The following CARMIL1 variants were observed in gnomAD, a reference collection of about 807,000 sequenced individuals.
CARMIL1 encodes F-actin-uncapping protein LRRC16A.
A neutral mutation model predicts 177.1 loss-of-function variants in CARMIL1; 90 were observed. That is an observed-to-expected ratio of 0.51 (90% confidence interval 0.43 to 0.61). The LOEUF (loss-of-function observed/expected upper bound fraction) is 0.61. Among genes scored for constraint, CARMIL1 ranks in the 20% least tolerant of loss-of-function variants. CARMIL1 has a pLI of 0.00. For missense variants in CARMIL1, 1,380 were observed against 1,667.0 expected (o/e 0.83, Z 3.00); for synonymous variants, 577 against 606.2 (o/e 0.95, Z 0.71).
intron 29 of CARMIL1, among the ~76,000 whole-genome samples, chr6:25,571,395 T>C (rs1812051313): frequency 6.6e-6 from 1 of 152,128 alleles, no homozygotes; most frequent in Non-Finnish European, 1.5e-5. Flanking sequence ...AGAGAGGAAA[T>C]GTTCTCTTTT....
chr6:25,395,918 G>A (rs998184382), intron 2 of CARMIL1, among the ~76,000 whole-genome samples: 5 of 152,194 alleles, frequency 3.3e-5, no homozygotes, highest in African/African-American at 9.7e-5. Context: ...AGGATCATGC[G>A]GGTCCTTGTG....
chr6:25,321,202 A>C (rs1370186587), intron 2 of CARMIL1, among the ~76,000 whole-genome samples: 2 of 152,250 alleles, frequency 1.3e-5, no homozygotes, highest in African/African-American at 4.8e-5. Context: ...TTTGGCTAGT[A>C]AAATGTGATC....
chr6:25,376,574 T>G (rs1202353287), intron 2 of CARMIL1, among the ~76,000 whole-genome samples: 1 of 152,240 alleles, frequency 6.6e-6, no homozygotes, highest in East Asian at 1.9e-4. Context: ...AGAGAGTCTT[T>G]GTATGACAGC....
rs113860393 is a variant in CARMIL1, at chr6:25,332,774, C to T, written c.138+47865C>T. Among the ~76,000 whole-genome samples, 200 of 71,202 alleles carry T rather than the reference C, an allele frequency of 2.8e-3. 2 individuals are homozygous for T. The highest frequency in any genetic ancestry group is 6.1e-3 in the Admixed American group (50 of 8,222). The allele number at this position is 71,202 out of a possible 152,430, so 46.7% of individuals were successfully genotyped here. A position where few individuals can be genotyped will look rare whatever the true frequency, so the allele number is the denominator to read the frequency against. On this transcript the variant is annotated intron_variant, in intron 2 of 36. Coordinates refer to ENST00000329474, the MANE Select transcript of CARMIL1 (RefSeq NM_017640.6). ...ACACACACACACACACACACACACG[C>T]GCACACACACACACACACTTCTTTT...
intron 2 of CARMIL1, among the ~76,000 whole-genome samples, chr6:25,411,873 CG>C (rs1562101804): frequency 6.6e-6 from 1 of 152,114 alleles, no homozygotes; most frequent in Non-Finnish European, 1.5e-5. Flanking sequence ...AAATATTTAC[CG>C]GGGGCTTGTC....
At chr6:25,537,043 T>C (rs1746945958) in intron 24 of CARMIL1, among the ~76,000 whole-genome samples, 1 of 152,210 alleles carries the variant, frequency 6.6e-6, no homozygotes, top group African/African-American at 2.4e-5. Flanking sequence ...TTCATGCTTT[T>C]TTGTATAAGT....
Position 25,500,254 on chromosome 6 carries a change from T to C in CARMIL1, c.1395+19T>C. 6.2e-7 allele frequency: 1 copy of C among 1,606,314 alleles called. No homozygotes were observed. Among genetic ancestry groups the C allele is most frequent in the Non-Finnish European group, 8.5e-7 (1 of 1,173,206 alleles). On this transcript the variant is annotated intron_variant, in intron 17 of 36. Coordinates refer to ENST00000329474, the MANE Select transcript of CARMIL1 (RefSeq NM_017640.6). ...CTGTGAGGTAAGAACACCCTTAGAT[T>C]GTATACTGGAATAGATAATAGCCTC...
At chr6:25,365,377 C>T (rs895098447) in intron 2 of CARMIL1, among the ~76,000 whole-genome samples, 66 of 152,324 alleles carry the variant, frequency 4.3e-4, no homozygotes, top group African/African-American at 1.5e-3. Context: ...TGGTGCTAAA[C>T]ATATTCCCAG....
chr6:25,305,772 C>T (rs1192093939), intron 2 of CARMIL1, among the ~76,000 whole-genome samples: 1 of 152,154 alleles, frequency 6.6e-6, no homozygotes, highest in African/African-American at 2.4e-5. Context: ...AACTGACATC[C>T]TTTATAAATA....
chr6:25,579,783 T>C (rs1812964642), intron 29 of CARMIL1, among the ~76,000 whole-genome samples: 1 of 152,212 alleles, frequency 6.6e-6, no homozygotes, highest in Admixed American at 6.5e-5. Flanking sequence ...CAATAAATAA[T>C]AGCAAAATGA....
intron 2 of CARMIL1, among the ~76,000 whole-genome samples, chr6:25,293,582 T>A (rs1207245389): frequency 6.6e-6 from 1 of 151,960 alleles, no homozygotes; most frequent in African/African-American, 2.4e-5. Flanking sequence ...TCTCACTTTG[T>A]TGCCTAGGCC....
intron 8 of CARMIL1, 53 bp from the exon 9 acceptor site, chr6:25,465,820 C>A: frequency 1.0e-6 from 1 of 995,736 alleles, no homozygotes; most frequent in Non-Finnish European, 1.6e-6. Context: ...AATTAAGTGT[C>A]AGTGTAGCTA....
chr6:25,619,209 T>C (rs1159590272), intron 36 of CARMIL1, among the ~76,000 whole-genome samples: 1 of 152,208 alleles, frequency 6.6e-6, no homozygotes, highest in Non-Finnish European at 1.5e-5. Context: ...CTATGAGAGG[T>C]TCACCCTGTC....
At chr6:25,293,913 G>A (rs1036305799) in intron 2 of CARMIL1, among the ~76,000 whole-genome samples, 4 of 152,142 alleles carry the variant, frequency 2.6e-5, no homozygotes, top group Non-Finnish European at 5.9e-5. Context: ...GTAGAGATGG[G>A]GTTTCACCAT....
intron 29 of CARMIL1, among the ~76,000 whole-genome samples, chr6:25,578,773 A>G (rs1168885619): frequency 2.0e-5 from 3 of 152,206 alleles, no homozygotes; most frequent in Non-Finnish European, 4.4e-5. Flanking sequence ...ATAGGTATAG[A>G]TTTATGGGAA....
chr6:25,427,555 A>G (rs900577753), intron 4 of CARMIL1, among the ~76,000 whole-genome samples: 2 of 152,170 alleles, frequency 1.3e-5, no homozygotes, highest in African/African-American at 2.4e-5. Context: ...CTGTACTTTC[A>G]TTTCCCATGT....
intron 3 of CARMIL1, among the ~76,000 whole-genome samples, chr6:25,425,332 C>T (rs1253906191): frequency 2.0e-5 from 3 of 151,990 alleles, no homozygotes; most frequent in Non-Finnish European, 4.4e-5. Context: ...GGTTTTCTGC[C>T]CAGTATTTAC....
At chr6:25,570,154 C>CG (rs1323943433) in intron 29 of CARMIL1, among the ~76,000 whole-genome samples, 8 of 152,126 alleles carry the variant, frequency 5.3e-5, no homozygotes, top group African/African-American at 1.9e-4. Flanking sequence ...TTAGTAGAGA[C>CG]GGGGTTTCAC....
intron 3 of CARMIL1, among the ~76,000 whole-genome samples, chr6:25,425,267 T>C (rs1416316367): frequency 6.6e-6 from 1 of 152,190 alleles, no homozygotes; most frequent in African/African-American, 2.4e-5. Flanking sequence ...ATGAGTTCTC[T>C]TTCTACTTCC....
Sources: gnomAD v4.1 joint callset for allele counts (sites outside exome capture counted in the v4.1 genomes callset) on GRCh38, gnomAD v4.1.1 for gene constraint, MANE v1.5 for transcripts, NCBI Gene and HGNC (gene_info 2026-07-23, HGNC 2026-07-21) for gene names.